The following PUDP variants were observed in gnomAD, a reference collection of about 807,000 sequenced individuals.
PUDP encodes pseudouridine 5'-phosphatase.
A neutral mutation model predicts 9.4 loss-of-function variants in PUDP; 8 were observed. That is an observed-to-expected ratio of 0.85 (90% CI 0.50 to 1.53). The LOEUF (loss-of-function observed/expected upper bound fraction) is 1.53, where lower values mean the gene tolerates loss of function less well. Ranked by LOEUF, PUDP falls within the 40% of genes most tolerant of loss-of-function variation. PUDP has a pLI of 0.00. For missense variants in PUDP, 188 were observed against 189.7 expected (o/e 0.99, Z 0.05); for synonymous variants, 99 against 80.7 (o/e 1.23, Z -1.22).
intron 1 of PUDP, among the ~76,000 whole-genome samples, chrX:6,993,541 C>G (rs1929213660): frequency 9.0e-6 from 1 of 111,253 alleles, no homozygotes; most frequent in African/African-American, 3.3e-5. Context: ...CTCTCAGACT[C>G]TGGGAAAGCC....
intron 3 of PUDP, among the ~76,000 whole-genome samples, chrX:6,769,536 A>C (rs1925331303): frequency 8.9e-6 from 1 of 112,024 alleles, no homozygotes; most frequent in Non-Finnish European, 1.9e-5. Flanking sequence ...TCCATTTCAA[A>C]TCCACAATTC....
intron 2 of PUDP, among the ~76,000 whole-genome samples, chrX:7,084,186 C>T (rs1037584621): frequency 9.0e-6 from 1 of 111,727 alleles, no homozygotes; most frequent in African/African-American, 3.3e-5. Context: ...CCTTGTAACC[C>T]GCTGGGATTC....
intron 2 of PUDP, among the ~76,000 whole-genome samples, chrX:7,104,658 A>G (rs1931829288): frequency 8.9e-6 from 1 of 111,785 alleles, no homozygotes; most frequent in South Asian, 3.7e-4. Flanking sequence ...GAAAGACACT[A>G]GATGCAGAGA....
intron 1 of PUDP, among the ~76,000 whole-genome samples, chrX:6,989,091 C>T (rs1929142058): frequency 9.0e-6 from 1 of 111,186 alleles, no homozygotes; most frequent in South Asian, 3.8e-4. Context: ...GAGTCAAATC[C>T]CCTTATAAGA....
intron 3 of PUDP, among the ~76,000 whole-genome samples, chrX:6,911,382 C>G (rs1927847295): frequency 9.1e-6 from 1 of 110,039 alleles, no homozygotes; most frequent in Non-Finnish European, 1.9e-5. Context: ...TTAGGAGAGA[C>G]AGGGTTTCAC....
chrX:6,758,778 C>T (rs1226655594), intron 3 of PUDP, among the ~76,000 whole-genome samples: 1 of 111,224 alleles, frequency 9.0e-6, no homozygotes, highest in Non-Finnish European at 1.9e-5. Flanking sequence ...TCACTACAGT[C>T]GCTCTGTGCG....
At chrX:6,876,521 CAT>C (rs894523437) in intron 3 of PUDP, among the ~76,000 whole-genome samples, 3 of 109,305 alleles carry the variant, frequency 2.7e-5, no homozygotes, top group African/African-American at 1.0e-4. Flanking sequence ...TAGACATATA[CAT>C]ATATATACAC....
chrX:6,861,486 T>C (rs1927000524), intron 3 of PUDP, among the ~76,000 whole-genome samples: 1 of 111,995 alleles, frequency 8.9e-6, no homozygotes, highest in Non-Finnish European at 1.9e-5. Flanking sequence ...CATAATTCCA[T>C]GTGTCGTTAA....
chrX:7,100,778 C>T (rs1458622954), intron 2 of PUDP, among the ~76,000 whole-genome samples: 1 of 111,894 alleles, frequency 8.9e-6, no homozygotes, highest in Non-Finnish European at 1.9e-5. Flanking sequence ...GCTATTTTAT[C>T]TTCATTTTTG....
In PUDP at chrX:6,706,850, T is replaced by C. The variant is rs574139495; in HGVS notation, n.129-384A>G. Among the ~76,000 whole-genome samples the C allele has an allele frequency of 5.9e-4, 66 of 111,369 alleles. No individual in the cohort carries two copies. The South Asian group carries it at 0.025, about 43-fold the overall frequency. The stretch of plus-strand genomic sequence containing the variant: ...AAATGACCCTCATCAACCATCAGCA[T>C]CCCCTTTATATTCACCTTCCCACCA... On this transcript the variant is annotated intron_variant and non_coding_transcript_variant, in intron 1 of 2. Coordinates refer to the PUDP transcript ENST00000438499.
chrX:7,063,736 C>G (rs1303388125), intron 3 of PUDP, among the ~76,000 whole-genome samples: 1 of 111,726 alleles, frequency 9.0e-6, no homozygotes, highest in Non-Finnish European at 1.9e-5. Context: ...CTTGACACCC[C>G]CAGGCTCAGG....
intron 3 of PUDP, among the ~76,000 whole-genome samples, chrX:6,828,324 C>T (rs1048520069): frequency 9.1e-6 from 1 of 110,173 alleles, no homozygotes; most frequent in Non-Finnish European, 1.9e-5. Context: ...ATAACTTAAC[C>T]TCCCCCTACA....
intron 3 of PUDP, among the ~76,000 whole-genome samples, chrX:6,731,783 GGGAAGGAGGGAAGGGACGGC>G (rs1194547350): frequency 2.9e-5 from 3 of 103,536 alleles, no homozygotes; most frequent in Non-Finnish European, 5.8e-5. Flanking sequence ...GGAGGGAAAA[GGGAAGGAGGGAAGGGACGGC>G]GGAAGGAAGG....
At chrX:6,952,780 G>A (rs1188909809) in intron 3 of PUDP, among the ~76,000 whole-genome samples, 1 of 111,430 alleles carries the variant, frequency 9.0e-6, no homozygotes, top group Non-Finnish European at 1.9e-5. Context: ...CAGCAAGAAG[G>A]CACCATTTAT....
chrX:6,897,889 C>A (rs1159259618), intron 3 of PUDP, among the ~76,000 whole-genome samples: 1 of 111,304 alleles, frequency 9.0e-6, no homozygotes, highest in Non-Finnish European at 1.9e-5. Context: ...CAGGGGACAC[C>A]GACGCTCAGA....
intron 3 of PUDP, among the ~76,000 whole-genome samples, chrX:6,859,033 G>A (rs778642261): frequency 7.2e-5 from 8 of 111,620 alleles, no homozygotes; most frequent in Non-Finnish European, 1.3e-4. Flanking sequence ...TCTCATGACA[G>A]TGAATACGTC....
At chrX:6,775,504 T>TATACAC (rs777420687) in intron 3 of PUDP, among the ~76,000 whole-genome samples, 4 of 100,804 alleles carry the variant, frequency 4.0e-5, no homozygotes, top group African/African-American at 1.4e-4. Context: ...TACACACACA[T>TATACAC]ACACACACAC....
At chrX:7,066,238 G>A (rs1815292852) in intron 3 of PUDP, among the ~76,000 whole-genome samples, 2 of 111,708 alleles carry the variant, frequency 1.8e-5, no homozygotes, top group Non-Finnish European at 3.8e-5. Flanking sequence ...TAGGGTAGTG[G>A]CATTTGTACT....
intron 2 of PUDP, among the ~76,000 whole-genome samples, chrX:7,088,001 A>G (rs1158337766): frequency 8.9e-6 from 1 of 112,125 alleles, no homozygotes; most frequent in East Asian, 2.8e-4. Flanking sequence ...GTCCAATTTC[A>G]TAGACTTATA....
Sources: allele counts gnomAD v4.1 joint callset (sites outside exome capture counted in the v4.1 genomes callset), GRCh38; gene constraint gnomAD v4.1.1; transcripts MANE v1.5; gene names NCBI Gene and HGNC (gene_info 2026-07-23, HGNC 2026-07-21).